DOCK11: variants seen among roughly 807,000 people sequenced by gnomAD.
DOCK11 encodes dedicator of cytokinesis 11.
Under a neutral mutation model 169.1 loss-of-function variants are expected in DOCK11, and 70 were observed. The observed-to-expected ratio is 0.41, with a 90% CI of 0.34 to 0.51. The LOEUF (loss-of-function observed/expected upper bound fraction) is 0.51, where lower values mean the gene tolerates loss of function less well. Among genes scored for constraint, DOCK11 ranks in the 20% least tolerant of loss-of-function variants. The probability of loss-of-function intolerance (pLI) is 0.10; values close to 1 mark genes in which losing one functional copy is unlikely to be tolerated. For missense variants in DOCK11, 1,166 were observed against 1,538.8 expected (o/e 0.76, Z 4.05); for synonymous variants, 529 against 541.3 (o/e 0.98, Z 0.32).
At chrX:118,628,124 C>T in intron 33 of DOCK11, 39 bp from the exon 34 acceptor site, 1 of 887,130 alleles carries the variant, frequency 1.1e-6, no homozygotes, top group Non-Finnish European at 1.6e-6. Flanking sequence ...GACAGTTCCC[C>T]CTCTTGCCAA....
Position 118,597,527 on chromosome X carries a change from A to C in DOCK11, c.2360A>C (p.Asn787Thr), listed in dbSNP as rs1310102332. Residue 787 changes from asparagine (N) to threonine (T), a missense_variant, in exon 21 of 53, where the codon AAT becomes ACT. Transcript: ENST00000276202. Reference sequence around the variant, plus strand: ...GCCAATCTTCCCCCAGGCTACTTGAATCTGAATGATGCAGAATCAAGAAGG... The same window carrying C: ...GCCAATCTTCCCCCAGGCTACTTGACTCTGAATGATGCAGAATCAAGAAGG... ...VSANLPPGYLNLNDAESRRQC... is the reference protein window; with the variant it reads ...VSANLPPGYLTLNDAESRRQC... 1 of 1,211,303 alleles carries C rather than the reference A, an allele frequency of 8.3e-7. No homozygotes were observed.
chrX:118,591,875 A>C (rs1484009457), intron 19 of DOCK11, among the ~76,000 whole-genome samples: 1 of 81,040 alleles, frequency 1.2e-5, no homozygotes, highest in African/African-American at 4.1e-5. Context: ...GAGTGAGAAC[A>C]TGCGGTGTTT....
intron 1 of DOCK11, among the ~76,000 whole-genome samples, chrX:118,505,036 G>GT (rs1363173928): frequency 8.9e-6 from 1 of 112,081 alleles, no homozygotes; most frequent in East Asian, 2.8e-4. Flanking sequence ...GTTTTGTTTT[G>GT]TTTTTGAGAC....
chrX:118,641,552 A>G (rs185386400), intron 39 of DOCK11, among the ~76,000 whole-genome samples: 1 of 111,190 alleles, frequency 9.0e-6, no homozygotes, highest in South Asian at 3.8e-4. Flanking sequence ...ATTCTATTAG[A>G]TTTTCGTATT....
intron 35 of DOCK11, 81 bp downstream of exon 35, chrX:118,630,571 T>TC: frequency 5.2e-6 from 3 of 572,928 alleles, no homozygotes; most frequent in Non-Finnish European, 8.5e-6. Flanking sequence ...CAATATTTGA[T>TC]CATCATCTGG....
In DOCK11 at chrX:118,572,351, A is replaced by T. The variant is rs1353218753; in HGVS notation, c.1064A>T (p.Asp355Val). ...QRLDFSGIEP[D>V]IKPFEEKCNK... ...TTGGACTTTTCAGGAATTGAACCTG[A>T]TATAAAGCCATTTGAAGAAAAATGC... The change falls in exon 11 of 53, where the codon GAT becomes GTT. Residue 355 changes from aspartate (D) to valine (V), a missense_variant. Coordinates refer to ENST00000276202, the MANE Select transcript of DOCK11 (RefSeq NM_144658.4). 1.7e-6 allele frequency: 2 copies of T among 1,200,848 alleles called. No individual in the cohort carries two copies. The highest frequency in any genetic ancestry group is 2.2e-5 in the Admixed American group (1 of 45,598).
chrX:118,507,717 A>T (rs1395422959), intron 1 of DOCK11, among the ~76,000 whole-genome samples: 1 of 111,941 alleles, frequency 8.9e-6, no homozygotes, highest in Non-Finnish European at 1.9e-5. Context: ...AAATGCTGTT[A>T]TATCTATCTG....
intron 1 of DOCK11, 138 bp downstream of exon 1, chrX:118,496,211 G>C (rs1433145977): frequency 2.7e-5 from 10 of 372,043 alleles, no homozygotes; most frequent in Non-Finnish European, 3.8e-5. Flanking sequence ...TTTTCGCACC[G>C]GCAGCCGCCG....
At chrX:118,592,085 A>G (rs914089845) in intron 19 of DOCK11, among the ~76,000 whole-genome samples, 7 of 107,909 alleles carry the variant, frequency 6.5e-5, no homozygotes, top group Admixed American at 6.0e-4. Context: ...TAGTGCCGCA[A>G]TAAACATACA....
intron 1 of DOCK11, among the ~76,000 whole-genome samples, chrX:118,525,011 G>A (rs1486451694): frequency 9.0e-6 from 1 of 110,690 alleles, no homozygotes; most frequent in Admixed American, 9.6e-5. Flanking sequence ...TGGGCGTGGT[G>A]GCGTGTGCCT....
At chrX:118,612,832 C>A (rs1000623842) in intron 28 of DOCK11, among the ~76,000 whole-genome samples, 4 of 112,073 alleles carry the variant, frequency 3.6e-5, no homozygotes, top group Non-Finnish European at 5.6e-5. Context: ...GAAAGGCCAT[C>A]TGGTGCCAAT....
At chrX:118,596,399 T>G (rs190061837) in intron 20 of DOCK11, among the ~76,000 whole-genome samples, 3 of 112,441 alleles carry the variant, frequency 2.7e-5, no homozygotes, top group African/African-American at 9.7e-5. Flanking sequence ...TTTGCCAAAT[T>G]AAACACATAA....
intron 1 of DOCK11, among the ~76,000 whole-genome samples, chrX:118,508,266 C>T (rs2057627406): frequency 9.0e-6 from 1 of 111,718 alleles, no homozygotes; most frequent in South Asian, 3.7e-4. Flanking sequence ...TTTCATGGAA[C>T]TGTTTTCATG....
intron 27 of DOCK11, among the ~76,000 whole-genome samples, 155 bp downstream of exon 27, chrX:118,609,504 C>T (rs6655483): frequency 0.014 from 1,624 of 112,199 alleles, 24 homozygotes; most frequent in South Asian, 0.075. Flanking sequence ...TAGTGCTTGG[C>T]TTTTTCAATG....
intron 52 of DOCK11, among the ~76,000 whole-genome samples, chrX:118,683,629 T>C (rs1481233322): frequency 8.9e-6 from 1 of 112,384 alleles, no homozygotes; most frequent in Non-Finnish European, 1.9e-5. Context: ...TAAGTGAGTA[T>C]CTACTATATT....
intron 40 of DOCK11, among the ~76,000 whole-genome samples, chrX:118,648,003 AT>A (rs2015806987): frequency 4.0e-5 from 2 of 49,488 alleles, no homozygotes; most frequent in Non-Finnish European, 6.9e-5. Context: ...ATAATATATT[AT>A]TATAATATAT....
chrX:118,602,601 T>C (rs991152420), intron 23 of DOCK11, among the ~76,000 whole-genome samples: 1 of 109,683 alleles, frequency 9.1e-6, no homozygotes, highest in African/African-American at 3.3e-5. Context: ...AGTGCAATGG[T>C]ATGAACTCAG....
intron 1 of DOCK11, among the ~76,000 whole-genome samples, chrX:118,512,594 A>T (rs924175177): frequency 7.1e-5 from 8 of 112,109 alleles, no homozygotes; most frequent in Non-Finnish European, 1.5e-4. Flanking sequence ...GCCATTCAGC[A>T]TATAGGATAG....
intron 46 of DOCK11, 118 bp from the exon 47 acceptor site, chrX:118,675,818 C>T: frequency 5.2e-6 from 2 of 387,618 alleles, no homozygotes; most frequent in Non-Finnish European, 8.7e-6. Context: ...TATGAATGGC[C>T]CCACCAAGAC....
Sources: gnomAD v4.1 joint callset for allele counts (sites outside exome capture counted in the v4.1 genomes callset) on GRCh38, gnomAD v4.1.1 for gene constraint, MANE v1.5 for transcripts, NCBI Gene and HGNC (gene_info 2026-07-23, HGNC 2026-07-21) for gene names.